The following STAR variants were observed in gnomAD, a reference collection of about 807,000 sequenced individuals.
STAR encodes steroidogenic acute regulatory protein, mitochondrial.
A neutral mutation model predicts 32.3 loss-of-function variants in STAR; 32 were observed. That is an observed-to-expected ratio of 0.99 (90% confidence interval 0.75 to 1.33). STAR has a LOEUF of 1.33. Ranked by LOEUF, STAR falls within the 40% of genes most tolerant of loss-of-function variation. The pLI, the probability that STAR is intolerant of heterozygous loss-of-function variation, is 0.00. For synonymous variants in STAR, 134 were observed against 140.5 expected, an observed-to-expected ratio of 0.95 and a Z score of 0.33; for missense variants, 375 against 379.0, an observed-to-expected ratio of 0.99 and a Z score of 0.09.
In STAR at chr8:38,144,722, T is replaced by C. The variant is rs995617789; in HGVS notation, c.745-336A>G. ...TACATATAAGAGTTGAACTTTGCTG[T>C]GAGACAGAAGAGGGCCAGGCGCAGT... is the stretch of plus-strand genomic sequence containing the variant. On this transcript the variant is annotated intron_variant, in intron 6 of 6. Transcript: ENST00000276449. 6 of 1,054,490 alleles carry C rather than the reference T, an allele frequency of 5.7e-6. No individual in the cohort carries two copies. The African/African-American group carries it at 6.6e-5, about 12-fold the overall frequency. The allele number at this position is 1,054,490 out of a possible 1,614,324, so 65.3% of individuals were successfully genotyped here.
rs1802500153 is a variant in STAR, at chr8:38,143,337, C to T, written c.*936G>A. Among the ~76,000 whole-genome samples, 2 of 139,190 alleles carry T rather than the reference C, an allele frequency of 1.4e-5. No homozygotes were observed. The highest frequency in any genetic ancestry group is 2.7e-5 in the African/African-American group (1 of 37,220). 91.3% of individuals were successfully genotyped at this position (139,190 alleles called of 152,430 possible). A position where few individuals can be genotyped will look rare whatever the true frequency, so the allele number is the denominator to read the frequency against. Reference sequence around the variant, plus strand: ...TTTTTTTTTTTTTGAGATGGAGTCTCACTCTGTCGCCCACGCTGGAGCGCA... The same window carrying T: ...TTTTTTTTTTTTTGAGATGGAGTCTTACTCTGTCGCCCACGCTGGAGCGCA... On this transcript the variant is annotated 3_prime_UTR_variant, in exon 7 of 7. Transcript: ENST00000276449.
At position 38,146,313 on chromosome 8, in the gene STAR, C is replaced by T. The variant is rs760531501; in HGVS notation, c.441G>A (p.Trp147Ter). The T allele has an allele frequency of 6.2e-7, 1 of 1,613,928 alleles. No homozygotes were observed. The highest frequency in any genetic ancestry group is 8.5e-7 in the Non-Finnish European group (1 of 1,180,022). ...LVERMEAMGE[W>*]NPNVKEIKVL... ...CCTTGATCTCCTTGACATTGGGGTTCCACTCCCCCATTGCTTCCATGCGCT... is the reference window on the plus strand; with the variant it reads ...CCTTGATCTCCTTGACATTGGGGTTTCACTCCCCCATTGCTTCCATGCGCT... Residue 147 changes from tryptophan to a stop codon, truncating the protein, a stop_gained, in exon 4 of 7, where the codon TGG becomes TGA. Coordinates refer to ENST00000276449, the MANE Select transcript of STAR (RefSeq NM_000349.3). LOFTEE classifies it high-confidence loss of function.
rs369197685 is a variant in STAR, at chr8:38,145,222, C to T, written c.744G>A (p.Lys248=). 6 of 1,614,014 alleles carry T rather than the reference C, an allele frequency of 3.7e-6. No individual in the cohort carries two copies. In the African/African-American group the frequency reaches 8.0e-5, roughly 22 times the overall value. The change falls in exon 6 of 7, where the codon AAG becomes AAA. Residue 248 remains lysine (K), a splice_region_variant and synonymous_variant. Coordinates refer to ENST00000276449, the MANE Select transcript of STAR (RefSeq NM_000349.3). ...CAGGTCCCCCTCCCATGCCCTTCACCTTGAGGTCGATGCTGAGTAGCCACG... is the reference window on the plus strand; with the variant it reads ...CAGGTCCCCCTCCCATGCCCTTCACTTTGAGGTCGATGCTGAGTAGCCACG... ...KLTWLLSIDL[K]GWLPKSIINQ... is the part of the protein sequence containing the mutation.
chr8:38,150,684 A>C lies in STAR; in HGVS notation c.64+71T>G. The C allele has an allele frequency of 3.1e-6, 5 of 1,600,060 alleles. No individual in the cohort carries two copies. In the South Asian group the frequency reaches 5.5e-5, roughly 18 times the overall value. On this transcript the variant is annotated intron_variant, in intron 1 of 6. Transcript: ENST00000276449. Reference sequence around the variant, plus strand: ...CAGTAAGAGGCACAACTAGGATCAGAATTGGGTGGCCTGAGCCTCATCCGC... The same window carrying C: ...CAGTAAGAGGCACAACTAGGATCAGCATTGGGTGGCCTGAGCCTCATCCGC...
intron 5 of STAR, chr8:38,145,599 TG>T: frequency 3.5e-6 from 2 of 563,720 alleles, no homozygotes; most frequent in South Asian, 2.0e-5. Flanking sequence ...GTGGCTGGGC[TG>T]GGGCCTTGGG....
At chr8:38,144,649 A>G in intron 6 of STAR, 1 of 1,289,732 alleles carries the variant, frequency 7.8e-7, no homozygotes, top group Non-Finnish European at 9.9e-7. Flanking sequence ...TGCCTTTTTC[A>G]CCCTTCAGAT....
At position 38,143,499 on chromosome 8, in the gene STAR, G is replaced by T. The variant is rs1802503958; in HGVS notation, c.*774C>A. ...TTTTTTGTATTTTAGTAGAGACGGG[G>T]TTTCACCATGTTGGCCAGGATGGTC... On this transcript the variant is annotated 3_prime_UTR_variant, in exon 7 of 7. Coordinates refer to ENST00000276449, the MANE Select transcript of STAR (RefSeq NM_000349.3). 1 of 152,188 alleles carries T rather than the reference G, an allele frequency of 6.6e-6. No individual in the cohort carries two copies. Among genetic ancestry groups the T allele is most frequent in the South Asian group, 2.1e-4 (1 of 4,830 alleles). The allele number at this position is 152,188 out of a possible 1,614,324, so 9.4% of individuals were successfully genotyped here.
rs1802516818 is a variant in STAR at position 38,144,104 on chromosome 8, C to G, written c.*169G>C. 5 of 707,404 alleles carry G rather than the reference C, an allele frequency of 7.1e-6. No homozygotes were observed. Among genetic ancestry groups the G allele is most frequent in the Non-Finnish European group, 1.2e-5 (5 of 401,578 alleles). The allele number at this position is 707,404 out of a possible 1,614,324, so 43.8% of individuals were successfully genotyped here. ...GAGCCTCATCCCTGTTTTCTTGGTA[C>G]TAAAAACTTTCACCAATCTGAATCC... On this transcript the variant is annotated 3_prime_UTR_variant, in exon 7 of 7. Transcript: ENST00000276449.
At chr8:38,144,968 C>A in intron 6 of STAR, 3 of 1,281,934 alleles carry the variant, frequency 2.3e-6, no homozygotes, top group Non-Finnish European at 3.0e-6. Flanking sequence ...GAGACCATGT[C>A]ATTGTACTCC....
intron 2 of STAR, 49 bp downstream of exon 2, chr8:38,148,592 G>A: frequency 6.4e-7 from 1 of 1,567,850 alleles, no homozygotes; most frequent in Non-Finnish European, 8.8e-7. Flanking sequence ...TCACCCTCCA[G>A]GGAACCTCCT....
intron 5 of STAR, 180 bp from the exon 6 acceptor site, chr8:38,145,495 G>A (rs1165315333): frequency 5.0e-5 from 40 of 799,662 alleles, no homozygotes; most frequent in Middle Eastern, 3.0e-4. Context: ...CAGCTCATCA[G>A]AATAAAGGCT....
chr8:38,148,658 C>T lies in STAR; in HGVS notation c.161G>A (p.Arg54Gln), dbSNP rs200245763. Residue 54 changes from arginine to glutamine, a missense_variant, in exon 2 of 7, where the codon CGG becomes CAG. By Grantham distance (43) the Arg-to-Gln change is conservative. Coordinates refer to ENST00000276449, the MANE Select transcript of STAR (RefSeq NM_000349.3). Reference sequence around the variant, plus strand: ...GCACTTACCGAGTAGAGAGCTCCGCCGCCGAACCTGGTTAATCCACGTGCT... The same window carrying T: ...GCACTTACCGAGTAGAGAGCTCCGCTGCCGAACCTGGTTAATCCACGTGCT... ...TPSTWINQVR[R>Q]RSSLLGSRLE... 27 of 1,614,006 alleles carry T rather than the reference C, an allele frequency of 1.7e-5. 1 individual carries two copies. The highest frequency in any genetic ancestry group is 3.3e-4 in the Middle Eastern group (2 of 6,084).
rs560249138 is a variant in STAR at position 38,144,147 on chromosome 8, C to T, written c.*126G>A. On this transcript the variant is annotated 3_prime_UTR_variant, in exon 7 of 7. Coordinates refer to ENST00000276449, the MANE Select transcript of STAR (RefSeq NM_000349.3). ...CTGAATCCTAGTGTCATACTCTAAACACGAACCCCACCCATCCCACTGTCA... is the reference window on the plus strand; with the variant it reads ...CTGAATCCTAGTGTCATACTCTAAATACGAACCCCACCCATCCCACTGTCA... 24 of 1,007,552 alleles carry T rather than the reference C, an allele frequency of 2.4e-5. No homozygotes were observed. The highest frequency in any genetic ancestry group is 3.5e-5 in the Non-Finnish European group (23 of 666,492). 62.4% of individuals were successfully genotyped at this position (1,007,552 alleles called of 1,614,324 possible). A position where few individuals can be genotyped will look rare whatever the true frequency, so the allele number is the denominator to read the frequency against.
Position 38,146,372 on chromosome 8 carries a change from G to C in STAR, c.382C>G (p.Gln128Glu), listed in dbSNP as rs1802574798. 1.2e-6 allele frequency: 2 copies of C among 1,614,118 alleles called. No individual in the cohort carries two copies. The highest frequency in any genetic ancestry group is 1.7e-6 in the Non-Finnish European group (2 of 1,180,042). ...KVFRLEVVVDQPMERLYEELV... is the reference protein window; with the variant it reads ...KVFRLEVVVDEPMERLYEELV... ...TCTTCATAGAGCCTCTCCATGGGCT[G>C]GTCCACCACGACCTCCAGCCGGAAC... The change falls in exon 4 of 7, where the codon CAG (glutamine) becomes GAG (glutamate). Residue 128 changes from glutamine (Q) to glutamate (E), a missense_variant. By Grantham distance (29) the Gln-to-Glu change is conservative. Transcript: ENST00000276449.
Position 38,150,885 on chromosome 8 carries a change from C to T in STAR, c.-67G>A. 1.2e-6 allele frequency: 2 copies of T among 1,600,342 alleles called. No homozygotes were observed. The highest frequency in any genetic ancestry group is 1.7e-6 in the Non-Finnish European group (2 of 1,179,902). On this transcript the variant is annotated 5_prime_UTR_variant, in exon 1 of 7. Transcript: ENST00000276449. ...GCTGCTGCCGCCGCTGCTGCTGCCT[C>T]TTCTCTCAAGGGTGGTTCTTCGTCC... is the stretch of plus-strand genomic sequence containing the variant.
chr8:38,144,824 C>G (rs1585623904), intron 6 of STAR: 1 of 547,406 alleles, frequency 1.8e-6, no homozygotes, highest in South Asian at 2.2e-5. Context: ...GCCTGGCCAC[C>G]ATAGTGAAAC....
At chr8:38,149,193 G>C (rs1802628222) in intron 1 of STAR, 4 of 221,686 alleles carry the variant, frequency 1.8e-5, no homozygotes, top group Non-Finnish European at 2.7e-5. Flanking sequence ...ATGAATCTGT[G>C]CTTCTGTGAG....
At chr8:38,144,868 G>T in intron 6 of STAR, 1 of 627,672 alleles carries the variant, frequency 1.6e-6, no homozygotes, top group Non-Finnish European at 2.3e-6. Context: ...AATTAGCCAT[G>T]TGTGGTGGCA....
chr8:38,147,313 G>A (rs1279847697), intron 3 of STAR, among the ~76,000 whole-genome samples: 2 of 152,094 alleles, frequency 1.3e-5, no homozygotes. Context: ...GGTGGTATGG[G>A]TAGGTCCAAC....
Sources: gnomAD v4.1 joint callset for allele counts (sites outside exome capture counted in the v4.1 genomes callset) on GRCh38, gnomAD v4.1.1 for gene constraint, MANE v1.5 for transcripts, NCBI Gene and HGNC (gene_info 2026-07-23, HGNC 2026-07-21) for gene names.